The following KIAA1328 variants were observed in gnomAD, a reference collection of about 807,000 sequenced individuals.
KIAA1328 encodes the protein KIAA1328, also known as protein hinderin.
Under a neutral mutation model 68.1 loss-of-function variants are expected in KIAA1328, and 52 were observed. That is an observed-to-expected ratio of 0.76 (90% CI 0.61 to 0.96). The LOEUF (loss-of-function observed/expected upper bound fraction) is 0.96, where lower values mean the gene tolerates loss of function less well. Ranked by LOEUF, KIAA1328 falls within the 40% of genes least tolerant of loss-of-function variation. KIAA1328 has a pLI of 0.00. For missense variants in KIAA1328, 641 were observed against 677.6 expected, an observed-to-expected ratio of 0.95 and a Z score of 0.60; for synonymous variants, 232 against 239.4, an observed-to-expected ratio of 0.97 and a Z score of 0.28.
chr18:36,845,743 C>T (rs550541726), intron 4 of KIAA1328, among the ~76,000 whole-genome samples: 23 of 151,458 alleles, frequency 1.5e-4, no homozygotes, highest in African/African-American at 5.3e-4. Flanking sequence ...TATACATCAG[C>T]GAATGAAACA....
chr18:37,047,527 A>T (rs1186592887), intron 6 of KIAA1328, among the ~76,000 whole-genome samples: 1 of 152,134 alleles, frequency 6.6e-6, no homozygotes, highest in Non-Finnish European at 1.5e-5. Flanking sequence ...CACCCTACAT[A>T]TTTATTTTCA....
At chr18:36,870,900 C>A (rs1333908437) in intron 4 of KIAA1328, among the ~76,000 whole-genome samples, 2 of 152,258 alleles carry the variant, frequency 1.3e-5, no homozygotes, top group Non-Finnish European at 2.9e-5. Flanking sequence ...TGATTCAATT[C>A]AAATGGGTGT....
chr18:36,930,862 G>A (rs2050285234), intron 5 of KIAA1328, among the ~76,000 whole-genome samples: 1 of 152,044 alleles, frequency 6.6e-6, no homozygotes, highest in South Asian at 2.1e-4. Flanking sequence ...TGAAAAAAGA[G>A]CACATCATTC....
intron 9 of KIAA1328, among the ~76,000 whole-genome samples, chr18:37,192,144 A>ATT (rs963139250): frequency 5.6e-5 from 4 of 71,124 alleles, no homozygotes; most frequent in Admixed American, 5.1e-4. Flanking sequence ...AAGTCAAGAA[A>ATT]TTGTGTGTGT....
chr18:37,159,566 T>A (rs2059231706), intron 7 of KIAA1328, among the ~76,000 whole-genome samples: 1 of 152,180 alleles, frequency 6.6e-6, no homozygotes, highest in Non-Finnish European at 1.5e-5. Context: ...GAAAATATTA[T>A]AAGAGGAAAT....
chr18:37,188,601 T>G (rs1482738224), intron 9 of KIAA1328, among the ~76,000 whole-genome samples: 1 of 152,202 alleles, frequency 6.6e-6, no homozygotes, highest in African/African-American at 2.4e-5. Context: ...ACAGTTTCCC[T>G]TTGTTCCTGC....
intron 5 of KIAA1328, among the ~76,000 whole-genome samples, chr18:36,932,589 T>C (rs960676120): frequency 2.0e-5 from 3 of 152,216 alleles, no homozygotes; most frequent in Non-Finnish European, 2.9e-5. Context: ...GAAATGAAAT[T>C]GAACAGTAAA....
intron 6 of KIAA1328, among the ~76,000 whole-genome samples, chr18:37,066,589 A>T (rs1177671601): frequency 6.6e-6 from 1 of 152,158 alleles, no homozygotes; most frequent in Non-Finnish European, 1.5e-5. Context: ...CTCAAAATTG[A>T]CTTTATGTAA....
At chr18:36,993,711 A>G (rs2053279146) in intron 6 of KIAA1328, among the ~76,000 whole-genome samples, 2 of 152,286 alleles carry the variant, frequency 1.3e-5, no homozygotes, top group South Asian at 4.1e-4. Context: ...TGTCATTGGG[A>G]GGAAATCACT....
At chr18:36,842,650 TTAAC>T (rs2046896383) in intron 3 of KIAA1328, among the ~76,000 whole-genome samples, 1 of 152,102 alleles carries the variant, frequency 6.6e-6, no homozygotes, top group Non-Finnish European at 1.5e-5. Flanking sequence ...TTTGCTGTTG[TTAAC>T]ACAATGCCAC....
chr18:36,997,523 G>A (rs1199431260), intron 6 of KIAA1328, among the ~76,000 whole-genome samples: 1 of 152,190 alleles, frequency 6.6e-6, no homozygotes, highest in Admixed American at 6.5e-5. Context: ...GGAGCTGCCA[G>A]TAAACCATGG....
chr18:37,029,110 T>C (rs2054716171), intron 6 of KIAA1328, among the ~76,000 whole-genome samples: 1 of 152,184 alleles, frequency 6.6e-6, no homozygotes, highest in African/African-American at 2.4e-5. Flanking sequence ...CTCTTCTTTG[T>C]ATGTCTGGTA....
chr18:37,184,182 T>G (rs1272225645), intron 9 of KIAA1328, among the ~76,000 whole-genome samples: 1 of 152,186 alleles, frequency 6.6e-6, no homozygotes, highest in African/African-American at 2.4e-5. Flanking sequence ...TCACCACATC[T>G]CCAAAAAATC....
intron 9 of KIAA1328, among the ~76,000 whole-genome samples, chr18:37,218,865 G>A (rs2060499708): frequency 6.6e-6 from 1 of 152,184 alleles, no homozygotes; most frequent in Admixed American, 6.5e-5. Context: ...TGCTGGCGAG[G>A]AGCTGTGATC....
At chr18:36,878,519 T>C (rs1484345091) in intron 4 of KIAA1328, among the ~76,000 whole-genome samples, 3 of 152,144 alleles carry the variant, frequency 2.0e-5, no homozygotes, top group Non-Finnish European at 4.4e-5. Flanking sequence ...AGGAATATCT[T>C]TGTGGTGTTC....
intron 7 of KIAA1328, among the ~76,000 whole-genome samples, chr18:37,068,023 A>G (rs1019765740): frequency 1.3e-5 from 2 of 152,174 alleles, no homozygotes; most frequent in Admixed American, 1.3e-4. Context: ...ATTCTTTGGA[A>G]GACTTCAAAG....
chr18:37,052,299 A>G (rs1307460861), intron 6 of KIAA1328, among the ~76,000 whole-genome samples: 1 of 152,214 alleles, frequency 6.6e-6, no homozygotes, highest in South Asian at 2.1e-4. Flanking sequence ...ACATCTCTTC[A>G]TGATAAAAAC....
chr18:36,843,445 C>T lies in KIAA1328; in HGVS notation c.238-763C>T, dbSNP rs114262589. On this transcript the variant is annotated intron_variant, in intron 3 of 9. Coordinates refer to ENST00000280020, the MANE Select transcript of KIAA1328 (RefSeq NM_020776.3). ...TTCCTTTTACATGTTACCTACGATT[C>T]CTTCGTGACTCCCTGAGTTTATGTC... is the stretch of plus-strand genomic sequence containing the variant. Among the ~76,000 whole-genome samples, 152 of 152,240 alleles carry T rather than the reference C, an allele frequency of 1.0e-3. 1 individual carries two copies. The highest frequency in any genetic ancestry group is 3.6e-3 in the African/African-American group (148 of 41,532).
At chr18:36,956,001 C>T (rs1195012484) in intron 5 of KIAA1328, 1 of 152,120 alleles carries the variant, frequency 6.6e-6, no homozygotes, top group East Asian at 1.9e-4. Flanking sequence ...CTATCTCCGG[C>T]CCTTCCACTC....
Sources: allele counts gnomAD v4.1 joint callset (sites outside exome capture counted in the v4.1 genomes callset), GRCh38; gene constraint gnomAD v4.1.1; transcripts MANE v1.5; gene names NCBI Gene and HGNC (gene_info 2026-07-23, HGNC 2026-07-21).